Variants in SYN3 observed in about 807,000 individuals in gnomAD.
SYN3 encodes synapsin-3.
Under a neutral mutation model 65.8 loss-of-function variants are expected in SYN3, and 35 were observed. The ratio of observed to expected loss-of-function variants is 0.53; its 90% CI spans 0.41 to 0.70. The LOEUF (loss-of-function observed/expected upper bound fraction) is 0.70. Ranked by LOEUF, SYN3 falls within the 30% of genes least tolerant of loss-of-function variation. The pLI, the probability that SYN3 is intolerant of heterozygous loss-of-function variation, is 0.00. For missense variants in SYN3, 680 were observed against 749.0 expected (o/e 0.91, Z 1.08); for synonymous variants, 270 against 292.9 (o/e 0.92, Z 0.80).
chr22:32,560,015 C>G (rs750288154), intron 7 of SYN3, among the ~76,000 whole-genome samples: 4 of 152,206 alleles, frequency 2.6e-5, no homozygotes, highest in Non-Finnish European at 2.9e-5. Flanking sequence ...CAAAACGCCT[C>G]CAGTGAGCAT....
intron 6 of SYN3, among the ~76,000 whole-genome samples, chr22:32,781,354 AG>A (rs1371696423): frequency 6.6e-6 from 1 of 152,064 alleles, no homozygotes; most frequent in Non-Finnish European, 1.5e-5. Context: ...AATCCCTGAG[AG>A]CCTGAATAGA....
At chr22:33,028,687 G>A (rs1193314281) in intron 1 of SYN3, among the ~76,000 whole-genome samples, 2 of 91,742 alleles carry the variant, frequency 2.2e-5, no homozygotes, top group Non-Finnish European at 4.3e-5. Flanking sequence ...TGGTGGTGGT[G>A]GTGATGGTGG....
At chr22:32,880,737 C>T (rs1473508831) in intron 4 of SYN3, among the ~76,000 whole-genome samples, 1 of 152,204 alleles carries the variant, frequency 6.6e-6, no homozygotes, top group African/African-American at 2.4e-5. Context: ...ATGAGGATAA[C>T]TGAAACCTGG....
chr22:32,557,195 A>G (rs1214001744), intron 7 of SYN3, among the ~76,000 whole-genome samples: 2 of 152,138 alleles, frequency 1.3e-5, no homozygotes, highest in African/African-American at 2.4e-5. Context: ...TACCATTTCT[A>G]TCATGAAGGA....
In SYN3 at chr22:32,801,413, A is replaced by G. The variant is rs1210804140; in HGVS notation, c.711+63502T>C. ...AGGTGGGCGTGGGGCCAGGGCGCAG[A>G]CGAGAAGGGGCACGAGGGCTCCGCT... On this transcript the variant is annotated intron_variant, in intron 6 of 13. Coordinates refer to ENST00000358763, the MANE Select transcript of SYN3 (RefSeq NM_003490.4). The surrounding 1 kb of genome is among the most constrained non-coding windows in gnomAD (Gnocchi z 4.7). Among the ~76,000 whole-genome samples, 2 of 152,176 alleles carry G rather than the reference A, an allele frequency of 1.3e-5. No individual in the cohort carries two copies. Among genetic ancestry groups the G allele is most frequent in the Admixed American group, 6.5e-5 (1 of 15,280 alleles).
chr22:32,713,593 G>A lies in SYN3; in HGVS notation c.712-116857C>T, dbSNP rs2060994579. 2.0e-5 allele frequency among the ~76,000 whole-genome samples: 3 copies of A among 152,306 alleles called. No homozygotes were observed. The South Asian group carries it at 6.2e-4, about 32-fold the overall frequency. ...CGCCTGTAATCCCAGCACTTTGGGAGGCCGAGGCGGGCGGATCACAAGGTC... is the reference window on the plus strand; with the variant it reads ...CGCCTGTAATCCCAGCACTTTGGGAAGCCGAGGCGGGCGGATCACAAGGTC... On this transcript the variant is annotated intron_variant, in intron 6 of 13. Coordinates refer to ENST00000358763, the MANE Select transcript of SYN3 (RefSeq NM_003490.4).
At chr22:32,907,122 C>T (rs2146556774) in intron 4 of SYN3, among the ~76,000 whole-genome samples, 1 of 152,232 alleles carries the variant, frequency 6.6e-6, no homozygotes, top group East Asian at 1.9e-4. Context: ...ACATTCCCAC[C>T]ATTAATTAAT....
chr22:32,938,756 G>T (rs370807032), intron 3 of SYN3, among the ~76,000 whole-genome samples: 1 of 151,852 alleles, frequency 6.6e-6, no homozygotes, highest in African/African-American at 2.4e-5. Context: ...GCAAAACCTC[G>T]TCTCTACTAA....
intron 3 of SYN3, among the ~76,000 whole-genome samples, chr22:32,976,017 G>C (rs896074950): frequency 2.0e-4 from 31 of 152,214 alleles, no homozygotes; most frequent in Admixed American, 1.6e-3. Flanking sequence ...TGGGTTGAAG[G>C]CTGAAGTGCA....
At chr22:32,526,060 C>A (rs891881497) in intron 12 of SYN3, among the ~76,000 whole-genome samples, 2 of 152,232 alleles carry the variant, frequency 1.3e-5, no homozygotes, top group South Asian at 4.1e-4. Flanking sequence ...AGGGCTCAGA[C>A]GATTGTTAGT....
chr22:32,956,513 A>G (rs2051468921), intron 3 of SYN3, among the ~76,000 whole-genome samples: 2 of 152,198 alleles, frequency 1.3e-5, no homozygotes, highest in African/African-American at 2.4e-5. Flanking sequence ...TAGGTACTTC[A>G]GATTACTGGA....
intron 6 of SYN3, among the ~76,000 whole-genome samples, chr22:32,665,502 T>G (rs956783962): frequency 1.4e-5 from 2 of 144,334 alleles, no homozygotes; most frequent in Non-Finnish European, 3.0e-5. Context: ...TATATATATA[T>G]ATATATATGT....
At chr22:32,847,644 T>C (rs973950377) in intron 6 of SYN3, among the ~76,000 whole-genome samples, 7 of 152,170 alleles carry the variant, frequency 4.6e-5, no homozygotes, top group African/African-American at 7.2e-5. Context: ...CTGGGATACA[T>C]AGTGGAGCAT....
chr22:32,682,750 G>A (rs1480574641), intron 6 of SYN3, among the ~76,000 whole-genome samples: 1 of 28,108 alleles, frequency 3.6e-5, no homozygotes. Flanking sequence ...TTTATTCTGG[G>A]TGATGTTATT....
intron 7 of SYN3, among the ~76,000 whole-genome samples, chr22:32,551,855 G>A (rs974180690): frequency 3.9e-5 from 6 of 152,322 alleles, no homozygotes; most frequent in African/African-American, 1.4e-4. Context: ...AATTGCCAAG[G>A]ACTTGGGGGA....
At chr22:32,768,011 A>C (rs1398398381) in intron 6 of SYN3, among the ~76,000 whole-genome samples, 1 of 152,210 alleles carries the variant, frequency 6.6e-6, no homozygotes, top group Non-Finnish European at 1.5e-5. Context: ...GTATTTCTTT[A>C]GTTCAGAGAC....
intron 6 of SYN3, among the ~76,000 whole-genome samples, chr22:32,776,939 G>A (rs2045921651): frequency 6.6e-6 from 1 of 152,058 alleles, no homozygotes; most frequent in African/African-American, 2.4e-5. Flanking sequence ...GCCTCGAAGT[G>A]CCCGTGGGTG....
intron 6 of SYN3, among the ~76,000 whole-genome samples, chr22:32,669,917 T>G (rs1469828809): frequency 6.6e-6 from 1 of 152,166 alleles, no homozygotes; most frequent in Non-Finnish European, 1.5e-5. Flanking sequence ...GAGGCAGGTA[T>G]AGCAATACCT....
chr22:32,964,412 A>C (rs1358201585), intron 3 of SYN3, among the ~76,000 whole-genome samples: 1 of 109,262 alleles, frequency 9.2e-6, no homozygotes, highest in Non-Finnish European at 1.8e-5. Flanking sequence ...TAAAACTTAA[A>C]GTATAATAAA....
Sources: allele counts gnomAD v4.1 joint callset (sites outside exome capture counted in the v4.1 genomes callset), GRCh38; gene constraint gnomAD v4.1.1; non-coding constraint Gnocchi (gnomAD v3.1); transcripts MANE v1.5; gene names NCBI Gene and HGNC (gene_info 2026-07-23, HGNC 2026-07-21).